SMYD3: variants seen among roughly 807,000 people sequenced by gnomAD.
The protein encoded by SMYD3 is SET and MYND domain containing 3, also known as histone-lysine N-methyltransferase SMYD3.
A neutral mutation model predicts 57.7 loss-of-function variants in SMYD3; 36 were observed. The observed-to-expected ratio is 0.62, with a 90% CI of 0.48 to 0.82. The LOEUF (loss-of-function observed/expected upper bound fraction) is 0.82. SMYD3 is among the 40% of genes least tolerant of loss of function. SMYD3 has a pLI of 0.00. For synonymous variants in SMYD3, 211 were observed against 195.0 expected (o/e 1.08, Z -0.68); for missense variants, 515 against 538.8 (o/e 0.96, Z 0.44).
intron 5 of SMYD3, among the ~76,000 whole-genome samples, chr1:246,038,141 G>A (rs889252666): frequency 2.6e-5 from 4 of 152,154 alleles, no homozygotes; most frequent in Non-Finnish European, 5.9e-5. Flanking sequence ...GATATAAGCT[G>A]CAACTATTTT....
At chr1:246,073,981 G>A (rs1179524679) in intron 5 of SMYD3, among the ~76,000 whole-genome samples, 1 of 152,220 alleles carries the variant, frequency 6.6e-6, no homozygotes, top group Non-Finnish European at 1.5e-5. Context: ...GGTCAAGCTT[G>A]TCCAACCTGT....
intron 5 of SMYD3, among the ~76,000 whole-genome samples, chr1:246,081,089 G>C (rs899996088): frequency 2.4e-4 from 37 of 152,214 alleles, no homozygotes; most frequent in Non-Finnish European, 5.1e-4. Context: ...AAAGGAAAAT[G>C]TGAGACAAAT....
At chr1:245,863,651 G>A (rs575629207) in intron 9 of SMYD3, 148 bp downstream of exon 9, 95 of 656,648 alleles carry the variant, frequency 1.4e-4, no homozygotes, top group Admixed American at 1.8e-4. Flanking sequence ...GGCCAGGGTC[G>A]GAGGTGCGGC....
chr1:245,858,552 G>A lies in SMYD3; in HGVS notation c.1020C>T (p.Asn340=), dbSNP rs1448715354. The change falls in exon 10 of 12, where the codon AAC becomes AAT. Residue 340 remains asparagine, a synonymous_variant. Transcript: ENST00000490107. ...ACAAGGCTTCCTCCAACAGGCCGAG[G>A]TTGATGCAGGCATCCATGGCGCAGT... ...VLDCAMDACI[N]LGLLEEALFY... 13 of 1,614,202 alleles carry A rather than the reference G, an allele frequency of 8.1e-6. No individual in the cohort carries two copies. The African/African-American group carries it at 1.1e-4, about 13-fold the overall frequency.
intron 5 of SMYD3, among the ~76,000 whole-genome samples, chr1:246,230,454 C>G (rs1203808120): frequency 2.9e-4 from 44 of 152,102 alleles, no homozygotes; most frequent in Non-Finnish European, 1.5e-5. Context: ...AAGAGAGAAC[C>G]AGGAGTTAGG....
At chr1:246,218,147 A>G (rs1260749822) in intron 5 of SMYD3, among the ~76,000 whole-genome samples, 1 of 152,154 alleles carries the variant, frequency 6.6e-6, no homozygotes, top group Non-Finnish European at 1.5e-5. Flanking sequence ...AAGAATACGT[A>G]CACTCTGACA....
At chr1:246,460,440 T>G (rs994031393) in intron 1 of SMYD3, among the ~76,000 whole-genome samples, 1 of 152,218 alleles carries the variant, frequency 6.6e-6, no homozygotes, top group Non-Finnish European at 1.5e-5. Flanking sequence ...TTTTAATATT[T>G]GAAATATAAG....
At position 246,081,878 on chromosome 1, in the gene SMYD3, C is replaced by CA. The variant is rs1231252892; in HGVS notation, c.532-151942dup. ...TTAACACTCCAAGACCTCATCTCTA[C>CA]AAAAAAACTTTTTTAAAGAAAGAAT... is the stretch of plus-strand genomic sequence containing the variant. On this transcript the variant is annotated intron_variant, in intron 5 of 11. Coordinates refer to ENST00000490107, the MANE Select transcript of SMYD3 (RefSeq NM_001167740.2). 3.3e-5 allele frequency among the ~76,000 whole-genome samples: 5 copies of CA among 152,214 alleles called. 1 individual carries two copies. In the South Asian group the frequency reaches 1.0e-3, roughly 32 times the overall value.
intron 10 of SMYD3, among the ~76,000 whole-genome samples, chr1:245,789,776 A>G (rs1324154017): frequency 6.6e-6 from 1 of 152,186 alleles, no homozygotes; most frequent in Non-Finnish European, 1.5e-5. Context: ...GGGTTAATGG[A>G]TTTCCCTGCT....
At chr1:246,298,821 T>A (rs1053599265) in intron 5 of SMYD3, among the ~76,000 whole-genome samples, 6 of 152,080 alleles carry the variant, frequency 3.9e-5, no homozygotes, top group Non-Finnish European at 8.8e-5. Flanking sequence ...AGAGTCAAAG[T>A]CTCATGGTTT....
In SMYD3 at chr1:246,162,240, C is replaced by T. The variant is rs562208861; in HGVS notation, c.531+164961G>A. On this transcript the variant is annotated intron_variant, in intron 5 of 11. Coordinates refer to ENST00000490107, the MANE Select transcript of SMYD3 (RefSeq NM_001167740.2). Reference sequence around the variant, plus strand: ...TTGGCTAAGTGAAAAGAGAGTCTTACCTCAATTACCCTAAAAGAACATTCT... The same window carrying T: ...TTGGCTAAGTGAAAAGAGAGTCTTATCTCAATTACCCTAAAAGAACATTCT... 2.0e-5 allele frequency among the ~76,000 whole-genome samples: 3 copies of T among 152,180 alleles called. No homozygotes were observed. The South Asian group carries it at 6.3e-4, about 32-fold the overall frequency.
At chr1:246,037,207 T>C (rs1229926608) in intron 5 of SMYD3, among the ~76,000 whole-genome samples, 2 of 152,222 alleles carry the variant, frequency 1.3e-5, no homozygotes, top group Non-Finnish European at 2.9e-5. Flanking sequence ...ATTTATAATT[T>C]TGAAAGATAT....
At chr1:245,945,667 C>A (rs10924397) in intron 5 of SMYD3, among the ~76,000 whole-genome samples, 5 of 152,158 alleles carry the variant, frequency 3.3e-5, no homozygotes, top group Admixed American at 3.3e-4. Context: ...ACATGCATGT[C>A]TATTTTCTTT....
intron 1 of SMYD3, among the ~76,000 whole-genome samples, chr1:246,364,987 A>T (rs1198344702): frequency 6.6e-6 from 1 of 152,244 alleles, no homozygotes; most frequent in East Asian, 1.9e-4. Context: ...GTGTAACTAC[A>T]TAAGTTTCTG....
intron 1 of SMYD3, among the ~76,000 whole-genome samples, chr1:246,432,447 G>A (rs2067310803): frequency 6.6e-6 from 1 of 152,144 alleles, no homozygotes; most frequent in Non-Finnish European, 1.5e-5. Flanking sequence ...TAATTAGAGG[G>A]CACCCAGAAA....
chr1:245,776,696 T>G (rs2046615164), intron 10 of SMYD3, among the ~76,000 whole-genome samples: 1 of 152,184 alleles, frequency 6.6e-6, no homozygotes, highest in East Asian at 1.9e-4. Context: ...CGTATTGTGG[T>G]GCTGGGAAGC....
chr1:245,944,525 T>C (rs2057368848), intron 5 of SMYD3, among the ~76,000 whole-genome samples: 1 of 152,196 alleles, frequency 6.6e-6, no homozygotes, highest in South Asian at 2.1e-4. Flanking sequence ...TCCATGCTCA[T>C]AGATAGGAGA....
At chr1:246,326,168 A>G in intron 5 of SMYD3, 1 of 402,352 alleles carries the variant, frequency 2.5e-6, no homozygotes, top group Non-Finnish European at 4.4e-6. Context: ...GCCTTAAAAT[A>G]TTAATGGCAT....
chr1:245,951,223 T>C (rs956966814), intron 5 of SMYD3, among the ~76,000 whole-genome samples: 5 of 151,964 alleles, frequency 3.3e-5, no homozygotes, highest in African/African-American at 1.2e-4. Flanking sequence ...GTTACCTTCC[T>C]TGGTTACAGA....
Sources: allele counts gnomAD v4.1 joint callset (sites outside exome capture counted in the v4.1 genomes callset), GRCh38; gene constraint gnomAD v4.1.1; transcripts MANE v1.5; gene names NCBI Gene and HGNC (gene_info 2026-07-23, HGNC 2026-07-21).